The following AKAP7 variants were observed in gnomAD, a reference collection of about 807,000 sequenced individuals.
AKAP7 encodes the protein A-kinase anchoring protein 7, also known as A kinase (PRKA) anchor protein 7.
A neutral mutation model predicts 39.5 loss-of-function variants in AKAP7; 39 were observed. The ratio of observed to expected loss-of-function variants is 0.99; its 90% CI spans 0.76 to 1.29. The LOEUF (loss-of-function observed/expected upper bound fraction) is 1.29, where lower values mean the gene tolerates loss of function less well. Ranked by LOEUF, AKAP7 falls within the 50% of genes most tolerant of loss-of-function variation. The pLI is 0.00. For missense variants in AKAP7, 414 were observed against 407.7 expected (o/e 1.02, Z -0.13); for synonymous variants, 140 against 139.1 (o/e 1.01, Z -0.05).
chr6:131,153,158 T>G (rs1037253938), intron 2 of AKAP7, among the ~76,000 whole-genome samples: 1 of 149,658 alleles, frequency 6.7e-6, no homozygotes, highest in Non-Finnish European at 1.5e-5. Context: ...AGAGAGAGAT[T>G]GGGCTCAATG....
At chr6:131,218,076 A>G (rs1809348430) in intron 6 of AKAP7, among the ~76,000 whole-genome samples, 1 of 152,142 alleles carries the variant, frequency 6.6e-6, no homozygotes, top group South Asian at 2.1e-4. Context: ...ATTATATTTC[A>G]TTGTTTTAAG....
chr6:131,127,315 C>T, the AKAP7 span, among the ~76,000 whole-genome samples: 1 of 152,120 alleles, frequency 6.6e-6, no homozygotes, highest in Non-Finnish European at 1.5e-5. Flanking sequence ...GATTACATGC[C>T]TAAGCCACTG....
In AKAP7 at chr6:131,281,578, G is replaced by GT; in HGVS notation, c.900dup (p.Lys301Ter). ...GATGACGCTGAACTAGTAAGGCTCAGTAAGAGGCTGGTGGAGAACGCGGTG... is the reference window on the plus strand; with the variant it reads ...GATGACGCTGAACTAGTAAGGCTCAGTTAAGAGGCTGGTGGAGAACGCGGTG... On this transcript the variant is annotated frameshift_variant, in exon 8 of 8. Transcript: ENST00000431975. LOFTEE classifies it high-confidence loss of function. This position sits in a 1 kb window ranked among gnomAD's most constrained non-coding sequence, Gnocchi z 4.0. 1 of 1,613,534 alleles carries GT rather than the reference G, an allele frequency of 6.2e-7. No homozygotes were observed. Among genetic ancestry groups the GT allele is most frequent in the South Asian group, 1.1e-5 (1 of 90,968 alleles).
chr6:131,180,105 C>T (rs935144598), intron 5 of AKAP7, among the ~76,000 whole-genome samples: 1 of 152,212 alleles, frequency 6.6e-6, no homozygotes, highest in African/African-American at 2.4e-5. Flanking sequence ...TAACCTTCTA[C>T]CCCTCTCTCA....
At chr6:131,228,898 C>A (rs987787442) in intron 7 of AKAP7, among the ~76,000 whole-genome samples, 1 of 152,122 alleles carries the variant, frequency 6.6e-6, no homozygotes, top group Non-Finnish European at 1.5e-5. Flanking sequence ...GGCAGTTTCA[C>A]GTAAGAATGT....
intron 5 of AKAP7, among the ~76,000 whole-genome samples, chr6:131,176,478 A>G (rs1175869825): frequency 2.6e-5 from 4 of 152,208 alleles, no homozygotes; most frequent in African/African-American, 4.8e-5. Flanking sequence ...TCAGCCATAT[A>G]TAATTTTAAG....
chr6:131,273,448 T>C (rs1406747339), intron 7 of AKAP7, among the ~76,000 whole-genome samples: 1 of 152,220 alleles, frequency 6.6e-6, no homozygotes, highest in Non-Finnish European at 1.5e-5. Flanking sequence ...GTTTTATTAT[T>C]TCATTTTATC....
intron 7 of AKAP7, among the ~76,000 whole-genome samples, chr6:131,279,679 G>T (rs1815050144): frequency 6.6e-6 from 1 of 152,162 alleles, no homozygotes; most frequent in Non-Finnish European, 1.5e-5. Flanking sequence ...GGATTTGGAG[G>T]TTGAGCCATT....
chr6:131,242,942 T>C (rs1295963033), intron 7 of AKAP7, among the ~76,000 whole-genome samples: 1 of 152,156 alleles, frequency 6.6e-6, no homozygotes, highest in African/African-American at 2.4e-5. Flanking sequence ...GAGACATATT[T>C]CAGAAACGCT....
chr6:131,225,963 A>T (rs1314584681), intron 7 of AKAP7, among the ~76,000 whole-genome samples: 2 of 152,162 alleles, frequency 1.3e-5, no homozygotes, highest in Non-Finnish European at 2.9e-5. Context: ...GTATAATTCA[A>T]ATTACTTGCC....
At chr6:131,224,559 C>A (rs978367490) in intron 7 of AKAP7, among the ~76,000 whole-genome samples, 5 of 151,546 alleles carry the variant, frequency 3.3e-5, no homozygotes, top group African/African-American at 1.2e-4. Context: ...ATAATTTAGC[C>A]CTCATTAGAT....
At chr6:131,131,740 T>A (rs1800334419), upstream of AKAP7, among the ~76,000 whole-genome samples, 1 of 152,060 alleles carries the variant, frequency 6.6e-6, no homozygotes, top group South Asian at 2.1e-4. Context: ...GTGGAGTACC[T>A]AACCCAAGTA....
At position 131,145,384 on chromosome 6, in the gene AKAP7, T is replaced by C. The variant is rs372759648; in HGVS notation, c.119T>C (p.Phe40Ser). ...ATGGATTCTCTGGTAGACATGCCAT[T>C]TGCTACTGTAGATATTCAGGATGAC... ...NTMDSLVDMP[F>S]ATVDIQDDCG... The change falls in exon 2 of 8, where the codon TTT becomes TCT. Residue 40 changes from phenylalanine to serine, a missense_variant. Phe to Ser is a radical substitution (Grantham distance 155). Coordinates refer to ENST00000431975, the MANE Select transcript of AKAP7 (RefSeq NM_016377.4). 2.6e-6 allele frequency: 4 copies of C among 1,563,556 alleles called. No individual in the cohort carries two copies. The African/African-American group carries it at 4.1e-5, about 16-fold the overall frequency.
chr6:131,264,139 C>G (rs1158323296), intron 7 of AKAP7, among the ~76,000 whole-genome samples: 3 of 152,132 alleles, frequency 2.0e-5, no homozygotes, highest in African/African-American at 7.2e-5. Flanking sequence ...TGGAAAGCAG[C>G]CCTGTGACTG....
chr6:131,207,269 C>T (rs1330458580), intron 6 of AKAP7, among the ~76,000 whole-genome samples: 1 of 151,672 alleles, frequency 6.6e-6, no homozygotes, highest in East Asian at 1.9e-4. Flanking sequence ...CACTTGTCCT[C>T]CTAGAAGCCA....
chr6:131,249,347 GT>G (rs890735312), intron 7 of AKAP7, among the ~76,000 whole-genome samples: 5 of 151,546 alleles, frequency 3.3e-5, no homozygotes, highest in Admixed American at 6.6e-5. Flanking sequence ...CATCTTCACT[GT>G]TTTTTTTAAT....
chr6:131,262,114 C>CT (rs1391627098), intron 7 of AKAP7, among the ~76,000 whole-genome samples: 1 of 151,998 alleles, frequency 6.6e-6, no homozygotes, highest in Non-Finnish European at 1.5e-5. Flanking sequence ...GCTATTGTCT[C>CT]TAAGGGAATG....
intron 6 of AKAP7, among the ~76,000 whole-genome samples, chr6:131,212,005 A>G (rs1808706762): frequency 6.6e-6 from 1 of 152,192 alleles, no homozygotes; most frequent in South Asian, 2.1e-4. Flanking sequence ...AAATCATCTA[A>G]CACAAAACCC....
At chr6:131,274,345 C>G (rs9483242) in intron 7 of AKAP7, among the ~76,000 whole-genome samples, 36 of 152,082 alleles carry the variant, frequency 2.4e-4, no homozygotes, top group African/African-American at 7.0e-4. Context: ...CATTCGTTTT[C>G]TGCACTCTCC....
Sources: gnomAD v4.1 joint callset for allele counts (sites outside exome capture counted in the v4.1 genomes callset) on GRCh38, gnomAD v4.1.1 for gene constraint, Gnocchi (gnomAD v3.1) non-coding constraint, MANE v1.5 for transcripts, NCBI Gene and HGNC (gene_info 2026-07-23, HGNC 2026-07-21) for gene names.